Variants in PAPPA observed in about 807,000 individuals in gnomAD.
PAPPA encodes pappalysin-1.
A neutral mutation model predicts 164.0 loss-of-function variants in PAPPA; 60 were observed. The ratio of observed to expected loss-of-function variants is 0.37; its 90% CI spans 0.30 to 0.45. The LOEUF (loss-of-function observed/expected upper bound fraction) is 0.45, where lower values mean the gene tolerates loss of function less well. PAPPA is among the 20% of genes least tolerant of loss of function. PAPPA has a pLI of 1.00. For synonymous variants in PAPPA, 875 were observed against 814.1 expected, an observed-to-expected ratio of 1.07 and a Z score of -1.27; for missense variants, 1,782 against 2,087.3, an observed-to-expected ratio of 0.85 and a Z score of 2.85.
intron 8 of PAPPA, among the ~76,000 whole-genome samples, chr9:116,270,673 G>A (rs1246312117): frequency 6.6e-6 from 1 of 152,100 alleles, no homozygotes; most frequent in African/African-American, 2.4e-5. Context: ...CCAACCCTTT[G>A]CAAAATCATC....
intron 1 of PAPPA, among the ~76,000 whole-genome samples, chr9:116,168,581 G>A (rs1018250370): frequency 6.6e-6 from 1 of 152,216 alleles, no homozygotes; most frequent in Non-Finnish European, 1.5e-5. Flanking sequence ...TGTTCATGAA[G>A]TGAATGTGTA....
At chr9:116,235,679 G>A in intron 7 of PAPPA, 42 bp downstream of exon 7, 2 of 1,606,406 alleles carry the variant, frequency 1.2e-6, no homozygotes, top group African/African-American at 1.3e-5. Context: ...AAGTGGGTGG[G>A]TTGTGGAGGA....
intron 1 of PAPPA, among the ~76,000 whole-genome samples, chr9:116,174,870 G>T (rs1326735361): frequency 1.3e-5 from 2 of 152,110 alleles, no homozygotes; most frequent in Non-Finnish European, 2.9e-5. Context: ...TGGATGAAAA[G>T]AAATTTGCCC....
At chr9:116,309,477 A>G (rs1467051690) in intron 10 of PAPPA, among the ~76,000 whole-genome samples, 1 of 152,110 alleles carries the variant, frequency 6.6e-6, no homozygotes, top group Non-Finnish European at 1.5e-5. Context: ...GGGACTAGAT[A>G]CCCACTAGGG....
intron 13 of PAPPA, 33 bp downstream of exon 13, chr9:116,335,107 A>G (rs369157983): frequency 6.4e-7 from 1 of 1,554,130 alleles, no homozygotes; most frequent in African/African-American, 1.4e-5. Context: ...GCCCTAGGCC[A>G]CTTGTAGCCG....
chr9:116,302,908 A>G lies in PAPPA; in HGVS notation c.3105A>G (p.Gln1035=). ...CTTCAGTATCTCATCAAGACCAGCA[A>G]TGCCCAGGCTGGGTCATCATCGGAC... ...SNASVSHQDQ[Q]CPGWVIIGQP... The change falls in exon 10 of 22, where the codon CAA becomes CAG. Residue 1035 remains glutamine, a synonymous_variant. Coordinates refer to ENST00000328252, the MANE Select transcript of PAPPA (RefSeq NM_002581.5). 6.2e-7 allele frequency: 1 copy of G among 1,614,084 alleles called. No individual in the cohort carries two copies. Among genetic ancestry groups the G allele is most frequent in the Non-Finnish European group, 8.5e-7 (1 of 1,179,986 alleles).
intron 10 of PAPPA, among the ~76,000 whole-genome samples, chr9:116,311,056 CTTTT>C (rs56043415): frequency 2.0e-4 from 24 of 120,428 alleles, no homozygotes; most frequent in South Asian, 8.8e-4. Flanking sequence ...AACATGTGGA[CTTTT>C]TTTTTTTTTT....
At chr9:116,345,449 A>C (rs941487642) in intron 14 of PAPPA, among the ~76,000 whole-genome samples, 4 of 151,996 alleles carry the variant, frequency 2.6e-5, no homozygotes, top group East Asian at 1.9e-4. Flanking sequence ...AAAAAAAAAA[A>C]AAAACATGCC....
intron 2 of PAPPA, among the ~76,000 whole-genome samples, chr9:116,193,506 G>C (rs1230994530): frequency 1.3e-5 from 2 of 152,130 alleles, no homozygotes; most frequent in Non-Finnish European, 2.9e-5. Flanking sequence ...AGCCCTCAAG[G>C]AGGGGCAGAC....
intron 9 of PAPPA, among the ~76,000 whole-genome samples, chr9:116,276,863 C>G (rs912423662): frequency 1.6e-4 from 25 of 152,128 alleles, no homozygotes; most frequent in African/African-American, 5.8e-4. Context: ...TGAGGGACAT[C>G]GAGGAGAGGA....
intron 13 of PAPPA, among the ~76,000 whole-genome samples, chr9:116,343,959 G>T (rs973564713): frequency 5.9e-5 from 9 of 151,814 alleles, no homozygotes; most frequent in African/African-American, 1.9e-4. Context: ...GCAGAGGTGG[G>T]GTTTTACCAT....
At chr9:116,363,722 G>A (rs752185919) in intron 18 of PAPPA, among the ~76,000 whole-genome samples, 19 of 152,228 alleles carry the variant, frequency 1.2e-4, no homozygotes, top group Non-Finnish European at 2.5e-4. Flanking sequence ...ATCTGAATGT[G>A]CATAGAGCCA....
chr9:116,338,444 G>T (rs1378791047), intron 13 of PAPPA, among the ~76,000 whole-genome samples: 1 of 152,140 alleles, frequency 6.6e-6, no homozygotes, highest in African/African-American at 2.4e-5. Flanking sequence ...GGGGGTGGGG[G>T]TGCCCAAAGA....
chr9:116,299,424 G>A (rs982479880), intron 9 of PAPPA, among the ~76,000 whole-genome samples: 2 of 151,962 alleles, frequency 1.3e-5, no homozygotes, highest in East Asian at 3.9e-4. Flanking sequence ...ATTTATTGTG[G>A]TCTTTAACAT....
chr9:116,321,769 C>G (rs1353965834), intron 10 of PAPPA, among the ~76,000 whole-genome samples: 2 of 152,160 alleles, frequency 1.3e-5, no homozygotes, highest in Admixed American at 6.5e-5. Context: ...TTTGGTGAGC[C>G]CTGCCCAGTA....
intron 9 of PAPPA, among the ~76,000 whole-genome samples, chr9:116,284,689 A>G (rs1377970481): frequency 1.3e-5 from 2 of 151,430 alleles, no homozygotes; most frequent in Non-Finnish European, 2.9e-5. Flanking sequence ...GTTTTTCCTA[A>G]TCTCAACTGG....
At chr9:116,161,464 C>T (rs187418755) in intron 1 of PAPPA, among the ~76,000 whole-genome samples, 1 of 152,180 alleles carries the variant, frequency 6.6e-6, no homozygotes, top group Non-Finnish European at 1.5e-5. Context: ...CTTCCCTTCA[C>T]CTTATTCCAC....
rs2118745492 is a variant in PAPPA, at chr9:116,235,610, T to C, written c.2705T>C (p.Leu902Pro). The C allele has an allele frequency of 6.2e-7, 1 of 1,613,208 alleles. No homozygotes were observed. Among genetic ancestry groups the C allele is most frequent in the Middle Eastern group, 1.8e-4 (1 of 5,516 alleles). ...PPLQMDVASI[L>P]HLNRKFVDMD... ...CTCCAGATGGATGTGGCCTCCATCC[T>C]ACATCTCAATAGGAAATTCGTAGAC... The change falls in exon 7 of 22, where the codon CTA becomes CCA. Residue 902 changes from leucine to proline, a missense_variant. Coordinates refer to ENST00000328252, the MANE Select transcript of PAPPA (RefSeq NM_002581.5).
chr9:116,317,720 A>C (rs1845804656), intron 10 of PAPPA, among the ~76,000 whole-genome samples: 1 of 152,142 alleles, frequency 6.6e-6, no homozygotes, highest in African/African-American at 2.4e-5. Flanking sequence ...CCCTGAAATA[A>C]AATTCATGAT....
Sources: gnomAD v4.1 joint callset for allele counts (sites outside exome capture counted in the v4.1 genomes callset) on GRCh38, gnomAD v4.1.1 for gene constraint, MANE v1.5 for transcripts, NCBI Gene and HGNC (gene_info 2026-07-23, HGNC 2026-07-21) for gene names.